Variants in LRRC4C observed in about 807,000 individuals in gnomAD.
The protein encoded by LRRC4C is leucine rich repeat containing 4C, also known as leucine-rich repeat-containing protein 4C.
In LRRC4C, 5 loss-of-function variants were observed where a neutral mutation model predicts 33.6. That is an observed-to-expected ratio of 0.15 (90% CI 0.08 to 0.31). The LOEUF (loss-of-function observed/expected upper bound fraction) is 0.31. Among genes scored for constraint, LRRC4C ranks in the 10% least tolerant of loss-of-function variants. The pLI is 1.00. For synonymous variants in LRRC4C, 329 were observed against 302.0 expected (o/e 1.09, Z -0.93); for missense variants, 560 against 796.7 (o/e 0.70, Z 3.58).
intron 2 of LRRC4C, among the ~76,000 whole-genome samples, chr11:40,744,094 C>T (rs1007651828): frequency 1.3e-5 from 2 of 152,100 alleles, no homozygotes; most frequent in Non-Finnish European, 2.9e-5. Flanking sequence ...CGTGTTCCGG[C>T]ACTTCTGTTT....
intron 1 of LRRC4C, among the ~76,000 whole-genome samples, chr11:41,227,406 T>C (rs1212301903): frequency 2.0e-5 from 3 of 152,158 alleles, no homozygotes; most frequent in Non-Finnish European, 4.4e-5. Flanking sequence ...TAACATGTTA[T>C]TATGAGAATT....
intron 3 of LRRC4C, among the ~76,000 whole-genome samples, chr11:40,588,008 A>C (rs909111677): frequency 4.0e-5 from 6 of 151,804 alleles, no homozygotes; most frequent in African/African-American, 1.5e-4. Context: ...GTTAGGGAGG[A>C]TTCCTTCTTT....
chr11:40,162,103 G>A (rs1859204058), intron 5 of LRRC4C, among the ~76,000 whole-genome samples: 1 of 151,304 alleles, frequency 6.6e-6, no homozygotes, highest in African/African-American at 2.4e-5. Flanking sequence ...TAGTTCCAAC[G>A]ATTCAACTTC....
intron 1 of LRRC4C, among the ~76,000 whole-genome samples, chr11:41,247,703 A>C (rs1356473647): frequency 6.6e-6 from 1 of 152,216 alleles, no homozygotes; most frequent in Non-Finnish European, 1.5e-5. Context: ...TTCAGTCAAC[A>C]ACAAACCATT....
chr11:41,322,890 G>C (rs944000302), intron 1 of LRRC4C, among the ~76,000 whole-genome samples: 4 of 151,998 alleles, frequency 2.6e-5, no homozygotes, highest in African/African-American at 9.7e-5. Flanking sequence ...TTCCTCCTTG[G>C]ATATGACACA....
At chr11:40,680,395 T>A (rs1393489215) in intron 2 of LRRC4C, among the ~76,000 whole-genome samples, 1 of 152,138 alleles carries the variant, frequency 6.6e-6, no homozygotes, top group Non-Finnish European at 1.5e-5. Context: ...TGTGAAGATA[T>A]GAGATTTGTG....
chr11:41,150,915 GA>G, intron 1 of LRRC4C, among the ~76,000 whole-genome samples: 1 of 152,202 alleles, frequency 6.6e-6, no homozygotes, highest in East Asian at 1.9e-4. Context: ...GATGATGGGA[GA>G]AAAAATTGGA....
At chr11:40,543,386 T>C (rs1366840458) in intron 3 of LRRC4C, among the ~76,000 whole-genome samples, 1 of 152,144 alleles carries the variant, frequency 6.6e-6, no homozygotes, top group Non-Finnish European at 1.5e-5. Context: ...GCCTTTGTTA[T>C]ATGCCAAACT....
intron 1 of LRRC4C, among the ~76,000 whole-genome samples, chr11:41,410,507 C>T (rs1954429199): frequency 6.6e-6 from 1 of 150,380 alleles, no homozygotes; most frequent in Non-Finnish European, 1.5e-5. Flanking sequence ...CCATTCGGAT[C>T]TCAGCTCACT....
chr11:40,896,859 T>C (rs993721526), intron 2 of LRRC4C, among the ~76,000 whole-genome samples: 1 of 152,156 alleles, frequency 6.6e-6, no homozygotes, highest in Non-Finnish European at 1.5e-5. Context: ...TATTAAAGCA[T>C]GCCACCTCAC....
At chr11:40,665,850 C>A (rs1024669555) in intron 2 of LRRC4C, among the ~76,000 whole-genome samples, 1 of 151,968 alleles carries the variant, frequency 6.6e-6, no homozygotes, top group African/African-American at 2.4e-5. Context: ...TCTTTACCCA[C>A]AATTTTTACC....
intron 1 of LRRC4C, among the ~76,000 whole-genome samples, chr11:40,959,316 C>T (rs1409739129): frequency 6.6e-6 from 1 of 151,618 alleles, no homozygotes; most frequent in Non-Finnish European, 1.5e-5. Context: ...AGCAAGACAT[C>T]CTAGTTTGTC....
chr11:40,298,010 C>T (rs1211389259), intron 4 of LRRC4C, among the ~76,000 whole-genome samples: 2 of 152,162 alleles, frequency 1.3e-5, no homozygotes, highest in East Asian at 1.9e-4. Flanking sequence ...AGAGCATTGT[C>T]TGTATTTCTA....
chr11:40,342,417 C>T (rs1946910812), intron 3 of LRRC4C, among the ~76,000 whole-genome samples: 1 of 152,010 alleles, frequency 6.6e-6, no homozygotes, highest in Non-Finnish European at 1.5e-5. Context: ...TGCAGTGAGC[C>T]GAGATGGCAC....
intron 2 of LRRC4C, among the ~76,000 whole-genome samples, chr11:40,787,950 G>T (rs1447319720): frequency 6.6e-6 from 1 of 152,130 alleles, no homozygotes; most frequent in African/African-American, 2.4e-5. Context: ...TCTTATTGTT[G>T]TTCTTGTTAT....
intron 6 of LRRC4C, among the ~76,000 whole-genome samples, chr11:40,122,295 C>A (rs939904779): frequency 2.0e-5 from 3 of 151,950 alleles, no homozygotes; most frequent in African/African-American, 7.3e-5. Flanking sequence ...GCAGGACGTG[C>A]AGGTTTGTTA....
intron 1 of LRRC4C, among the ~76,000 whole-genome samples, chr11:41,142,809 G>A (rs1943566304): frequency 6.7e-6 from 1 of 148,638 alleles, no homozygotes; most frequent in East Asian, 1.9e-4. Flanking sequence ...TTAAAATCAT[G>A]TGCTTGTCAA....
At chr11:40,804,003 T>C (rs1305851147) in intron 2 of LRRC4C, among the ~76,000 whole-genome samples, 1 of 152,220 alleles carries the variant, frequency 6.6e-6, no homozygotes, top group Non-Finnish European at 1.5e-5. Context: ...ATCAAATACT[T>C]GGTCTTATTC....
At chr11:41,378,101 C>T (rs1953006814) in intron 1 of LRRC4C, among the ~76,000 whole-genome samples, 1 of 151,934 alleles carries the variant, frequency 6.6e-6, no homozygotes, top group South Asian at 2.1e-4. Context: ...CAGAAATGTA[C>T]TTAATTACCA....
Sources: gnomAD v4.1 joint callset for allele counts (sites outside exome capture counted in the v4.1 genomes callset) on GRCh38, gnomAD v4.1.1 for gene constraint, MANE v1.5 for transcripts, NCBI Gene and HGNC (gene_info 2026-07-23, HGNC 2026-07-21) for gene names.